The following ATXN7L1 variants were observed in gnomAD, a reference collection of about 807,000 sequenced individuals.
ATXN7L1 encodes ataxin-7-like protein 1.
In ATXN7L1, 15 loss-of-function variants were observed where a neutral mutation model predicts 70.8. That is an observed-to-expected ratio of 0.21 (90% CI 0.14 to 0.33). ATXN7L1 has a LOEUF of 0.33. Ranked by LOEUF, ATXN7L1 falls within the 10% of genes least tolerant of loss-of-function variation. The pLI is 1.00. For synonymous variants in ATXN7L1, 440 were observed against 445.1 expected (o/e 0.99, Z 0.14); for missense variants, 975 against 1,097.1 (o/e 0.89, Z 1.57).
chr7:105,677,472 G>T (rs759535753), intron 3 of ATXN7L1, among the ~76,000 whole-genome samples: 3 of 152,172 alleles, frequency 2.0e-5, no homozygotes, highest in Admixed American at 6.5e-5. Flanking sequence ...TAAGTGTCCT[G>T]TGCCTGGACA....
intron 2 of ATXN7L1, among the ~76,000 whole-genome samples, chr7:105,795,987 G>T (rs755490170): frequency 3.3e-5 from 5 of 152,166 alleles, no homozygotes; most frequent in Admixed American, 2.0e-4. Flanking sequence ...AAAAGGTACT[G>T]TAATGAAAAA....
intron 2 of ATXN7L1, among the ~76,000 whole-genome samples, chr7:105,789,347 C>T (rs967201062): frequency 4.6e-5 from 7 of 152,190 alleles, no homozygotes; most frequent in Non-Finnish European, 1.0e-4. Context: ...GTTCTCTGCT[C>T]TCCTGGAGCT....
At chr7:105,691,184 T>A (rs1790767211) in intron 3 of ATXN7L1, among the ~76,000 whole-genome samples, 1 of 152,216 alleles carries the variant, frequency 6.6e-6, no homozygotes, top group African/African-American at 2.4e-5. Flanking sequence ...AAACAACCGC[T>A]GTAAACTCAT....
At chr7:105,769,838 T>C (rs1217460083) in intron 3 of ATXN7L1, among the ~76,000 whole-genome samples, 1 of 152,200 alleles carries the variant, frequency 6.6e-6, no homozygotes, top group African/African-American at 2.4e-5. Flanking sequence ...CTTTTCACCA[T>C]CAGGAATCCC....
intron 11 of ATXN7L1, among the ~76,000 whole-genome samples, chr7:105,609,623 C>A (rs748699411): frequency 5.9e-5 from 9 of 151,988 alleles, no homozygotes; most frequent in Admixed American, 4.6e-4. Flanking sequence ...TGCTGCCATG[C>A]CTGGCTATTT....
chr7:105,642,744 C>G (rs1798456175), intron 5 of ATXN7L1, 94 bp downstream of exon 5: 2 of 1,382,104 alleles, frequency 1.4e-6, no homozygotes, highest in Non-Finnish European at 9.7e-7. Context: ...TGAAACAGAC[C>G]TGCTTAATGA....
chr7:105,806,012 C>A (rs1807536691), intron 2 of ATXN7L1, among the ~76,000 whole-genome samples: 1 of 152,114 alleles, frequency 6.6e-6, no homozygotes, highest in South Asian at 2.1e-4. Context: ...AGGGCTGCTG[C>A]AGGGTCTGGG....
At position 105,610,564 on chromosome 7, in the gene ATXN7L1, G is replaced by C; in HGVS notation, c.2512C>G (p.Pro838Ala). The change falls in exon 11 of 12, where the codon CCT (proline) becomes GCT (alanine). Residue 838 changes from proline to alanine, a missense_variant. This residue lies in a region of ATXN7L1 where 635 missense variants were observed against 699.4 expected (regional missense o/e 0.91). Coordinates refer to ENST00000419735, the MANE Select transcript of ATXN7L1 (RefSeq NM_020725.2). ...TGTCCTGGGCTGGATATACTTGAAGGACTGGATTGTGACAAAGCTAGGCTG... is the reference window on the plus strand; with the variant it reads ...TGTCCTGGGCTGGATATACTTGAAGCACTGGATTGTGACAAAGCTAGGCTG... Reference protein sequence around the residue: ...NSSLALSQSSPSSISSPGHSR... With the variant: ...NSSLALSQSSASSISSPGHSR... 1 of 1,551,458 alleles carries C rather than the reference G, an allele frequency of 6.4e-7. No homozygotes were observed. The highest frequency in any genetic ancestry group is 8.7e-7 in the Non-Finnish European group (1 of 1,146,980).
rs865942055 is a variant in ATXN7L1, at chr7:105,727,775, T to C, written c.355+60829A>G. 4.2e-4 allele frequency among the ~76,000 whole-genome samples: 49 copies of C among 115,420 alleles called. 1 individual carries two copies. Among genetic ancestry groups the C allele is most frequent in the African/African-American group, 1.4e-3 (38 of 27,984 alleles). 75.7% of individuals were successfully genotyped at this position (115,420 alleles called of 152,430 possible). ...ATATATATATATATATATATATATA[T>C]ATACACACACATACACACATATATA... On this transcript the variant is annotated intron_variant, in intron 3 of 11. Transcript: ENST00000419735.
At chr7:105,766,685 C>T (rs1032760785) in intron 3 of ATXN7L1, among the ~76,000 whole-genome samples, 46 of 152,160 alleles carry the variant, frequency 3.0e-4, no homozygotes, top group Admixed American at 2.6e-3. Context: ...CAAGGGAAAC[C>T]GCTGGGATTA....
intron 2 of ATXN7L1, among the ~76,000 whole-genome samples, chr7:105,869,839 G>A (rs951997442): frequency 2.0e-5 from 3 of 151,532 alleles, no homozygotes; most frequent in South Asian, 2.1e-4. Context: ...ACAACTTATC[G>A]ATCATTGAAA....
intron 2 of ATXN7L1, among the ~76,000 whole-genome samples, chr7:105,800,678 T>C (rs1005420751): frequency 1.3e-5 from 2 of 152,172 alleles, no homozygotes; most frequent in African/African-American, 4.8e-5. Context: ...TGTGGGGTAG[T>C]GGAATGAGCA....
chr7:105,661,285 T>C (rs939138116), intron 4 of ATXN7L1, among the ~76,000 whole-genome samples: 4 of 152,140 alleles, frequency 2.6e-5, no homozygotes, highest in African/African-American at 4.8e-5. Context: ...TGAGTAAAGA[T>C]GGACGGATGT....
At position 105,835,851 on chromosome 7, in the gene ATXN7L1, G is replaced by T. The variant is rs1044460859; in HGVS notation, c.250+39961C>A. On this transcript the variant is annotated intron_variant, in intron 2 of 11. Transcript: ENST00000419735. ...CAGAGGCAGAAATTTTTCTAAAAAA[G>T]AAACTTTCTTGGGAAGTTTGGCTAG... Among the ~76,000 whole-genome samples the T allele has an allele frequency of 5.3e-5, 8 of 152,100 alleles. 1 individual carries two copies. The highest frequency in any genetic ancestry group is 6.5e-5 in the Admixed American group (1 of 15,276).
chr7:105,841,034 G>A (rs972814210), intron 2 of ATXN7L1, among the ~76,000 whole-genome samples: 1 of 152,256 alleles, frequency 6.6e-6, no homozygotes, highest in Non-Finnish European at 1.5e-5. Context: ...TTGGGCAGAT[G>A]AGCTCCAGGT....
At chr7:105,631,992 A>G (rs1370424734) in intron 7 of ATXN7L1, among the ~76,000 whole-genome samples, 1 of 152,222 alleles carries the variant, frequency 6.6e-6, no homozygotes, top group African/African-American at 2.4e-5. Context: ...ATGGCCCCAG[A>G]GAAGGCTTCC....
intron 3 of ATXN7L1, among the ~76,000 whole-genome samples, chr7:105,751,564 A>G (rs965305947): frequency 3.9e-5 from 6 of 152,192 alleles, no homozygotes; most frequent in Non-Finnish European, 7.3e-5. Context: ...TAAGCCCAGG[A>G]AGTCGAAGCT....
intron 3 of ATXN7L1, among the ~76,000 whole-genome samples, chr7:105,744,001 A>G (rs1261463826): frequency 6.6e-6 from 1 of 152,198 alleles, no homozygotes; most frequent in Non-Finnish European, 1.5e-5. Flanking sequence ...TGGGTTTGAA[A>G]CAGCACGTTG....
At chr7:105,753,490 A>T (rs1168162315) in intron 3 of ATXN7L1, among the ~76,000 whole-genome samples, 1 of 152,140 alleles carries the variant, frequency 6.6e-6, no homozygotes, top group Non-Finnish European at 1.5e-5. Context: ...TTTTATTTAG[A>T]TATTTTGCTT....
Sources: allele counts gnomAD v4.1 joint callset (sites outside exome capture counted in the v4.1 genomes callset), GRCh38; gene constraint gnomAD v4.1.1; regional missense constraint gnomAD v4.1.1; transcripts MANE v1.5; gene names NCBI Gene and HGNC (gene_info 2026-07-23, HGNC 2026-07-21).